The following MCCC1 variants were observed in gnomAD, a reference collection of about 807,000 sequenced individuals.
MCCC1 encodes methylcrotonoyl-CoA carboxylase subunit alpha, mitochondrial.
A neutral mutation model predicts 83.8 loss-of-function variants in MCCC1; 64 were observed. That is an observed-to-expected ratio of 0.76 (90% CI 0.62 to 0.94). The LOEUF is 0.94. MCCC1 is among the 40% of genes least tolerant of loss of function. The pLI is 0.00. For missense variants in MCCC1, 807 were observed against 904.7 expected (o/e 0.89, Z 1.39); for synonymous variants, 322 against 315.4 (o/e 1.02, Z -0.22).
At chr3:183,107,599 G>C (rs922776490) in intron 1 of MCCC1, among the ~76,000 whole-genome samples, 1 of 151,820 alleles carries the variant, frequency 6.6e-6, no homozygotes, top group Non-Finnish European at 1.5e-5. Context: ...CTGGAGTGCA[G>C]TGGTGTAATC....
chr3:183,094,859 A>G (rs528188651), intron 1 of MCCC1, among the ~76,000 whole-genome samples: 4 of 152,322 alleles, frequency 2.6e-5, no homozygotes, highest in South Asian at 2.1e-4. Flanking sequence ...CCACAGTCAG[A>G]GATGATTAAA....
chr3:183,108,840 A>G (rs955846283), intron 1 of MCCC1, among the ~76,000 whole-genome samples: 4 of 152,218 alleles, frequency 2.6e-5, no homozygotes, highest in African/African-American at 9.6e-5. Context: ...TTGGTGTTCA[A>G]TAGGTATATC....
At chr3:183,055,397 G>A (rs558845245) in intron 8 of MCCC1, among the ~76,000 whole-genome samples, 76 of 151,816 alleles carry the variant, frequency 5.0e-4, no homozygotes, top group Non-Finnish European at 9.4e-4. Context: ...GTGACAGAGC[G>A]AAACTCCATC....
At chr3:183,025,465 T>C (rs1232775869) in intron 15 of MCCC1, among the ~76,000 whole-genome samples, 1 of 152,230 alleles carries the variant, frequency 6.6e-6, no homozygotes, top group Non-Finnish European at 1.5e-5. Context: ...GCTTTTGCTG[T>C]AAATACAGGC....
intron 7 of MCCC1, among the ~76,000 whole-genome samples, chr3:183,059,356 T>C (rs1433327410): frequency 6.6e-6 from 1 of 152,240 alleles, no homozygotes; most frequent in African/African-American, 2.4e-5. Context: ...TTTCTGAATG[T>C]TCCCATTTTG....
At chr3:183,051,507 T>C (rs1577294698) in intron 9 of MCCC1, among the ~76,000 whole-genome samples, 1 of 151,478 alleles carries the variant, frequency 6.6e-6, no homozygotes, top group Admixed American at 6.6e-5. Context: ...GCTGCCGGGG[T>C]TTAGGGGGGA....
At chr3:183,096,954 G>C (rs547292291) in intron 1 of MCCC1, among the ~76,000 whole-genome samples, 1 of 152,126 alleles carries the variant, frequency 6.6e-6, no homozygotes, top group Non-Finnish European at 1.5e-5. Flanking sequence ...AGACTGATTC[G>C]GTTTCAAGGC....
intron 9 of MCCC1, among the ~76,000 whole-genome samples, chr3:183,047,754 C>T (rs1021263964): frequency 2.0e-5 from 3 of 150,276 alleles, no homozygotes; most frequent in African/African-American, 7.3e-5. Flanking sequence ...AACCTCTGAA[C>T]TTGAGGATAT....
intron 9 of MCCC1, among the ~76,000 whole-genome samples, chr3:183,051,397 A>C (rs1714964648): frequency 6.6e-6 from 1 of 152,210 alleles, no homozygotes; most frequent in Non-Finnish European, 1.5e-5. Context: ...TTAAATGCAT[A>C]TTATAAAGAA....
chr3:183,047,067 CA>C lies in MCCC1; in HGVS notation c.956-1528del, dbSNP rs556917676. 1.8e-4 allele frequency among the ~76,000 whole-genome samples: 27 copies of C among 152,314 alleles called. No homozygotes were observed. The South Asian group carries it at 5.2e-3, about 29-fold the overall frequency. ...AGTGAATATCAGAGAAAAATCCTCC[CA>C]TGCTTCCAGCTCAGAAGGGAAATGA... On this transcript the variant is annotated intron_variant, in intron 9 of 18. Coordinates refer to ENST00000265594, the MANE Select transcript of MCCC1 (RefSeq NM_020166.5).
upstream of MCCC1, among the ~76,000 whole-genome samples, chr3:183,102,773 T>G (rs112394511): frequency 1.2e-4 from 11 of 91,516 alleles, no homozygotes; most frequent in South Asian, 2.3e-3. Flanking sequence ...TTTTTTTTTT[T>G]TTTTTTTTTT....
Position 183,057,294 on chromosome 3 carries a change from C to G in MCCC1, c.873+17G>C, listed in dbSNP as rs764886151. ...ACATTACGGAGAAGCTTACAAATTT[C>G]TTTCCAAGGTCCTTACCGCTGGGGC... is the stretch of plus-strand genomic sequence containing the variant. On this transcript the variant is annotated intron_variant, in intron 8 of 18. Coordinates refer to ENST00000265594, the MANE Select transcript of MCCC1 (RefSeq NM_020166.5). 1.5e-5 allele frequency: 24 copies of G among 1,562,268 alleles called. 1 individual carries two copies. In the South Asian group the frequency reaches 2.5e-4, roughly 17 times the overall value.
At chr3:183,073,832 T>C (rs1716871099) in intron 4 of MCCC1, among the ~76,000 whole-genome samples, 1 of 152,238 alleles carries the variant, frequency 6.6e-6, no homozygotes, top group South Asian at 2.1e-4. Flanking sequence ...CATAAGTGAA[T>C]TGCCACCATC....
intron 9 of MCCC1, among the ~76,000 whole-genome samples, chr3:183,049,464 C>A (rs148260335): frequency 0.068 from 10,258 of 151,152 alleles, 539 homozygotes; most frequent in African/African-American, 0.13. Context: ...CCCAGCTACT[C>A]GGGAGGCTGA....
chr3:183,105,620 T>G (rs556721666), intron 1 of MCCC1, among the ~76,000 whole-genome samples: 3 of 152,262 alleles, frequency 2.0e-5, no homozygotes, highest in Admixed American at 2.0e-4. Flanking sequence ...TTGCATCTTT[T>G]GCGTTTCGTA....
chr3:183,062,241 T>C (rs1222546505), intron 7 of MCCC1, among the ~76,000 whole-genome samples: 1 of 152,082 alleles, frequency 6.6e-6, no homozygotes, highest in African/African-American at 2.4e-5. Context: ...ATCTTTTAGG[T>C]GCTCCAGGTA....
rs551690650 is a variant in MCCC1, at chr3:183,032,107, A to G, written c.1681+1884T>C. ...TGGATTATTTTCATAGAATACTGCC[A>G]AAAGGGTGTAGTGAACAGCAATCAT... On this transcript the variant is annotated intron_variant, in intron 14 of 18. Transcript: ENST00000265594. Among the ~76,000 whole-genome samples, 12 of 152,314 alleles carry G rather than the reference A, an allele frequency of 7.9e-5. No homozygotes were observed. The East Asian group carries it at 1.5e-3, about 20-fold the overall frequency.
At chr3:183,094,890 C>T (rs1022460528) in intron 1 of MCCC1, among the ~76,000 whole-genome samples, 6 of 152,168 alleles carry the variant, frequency 3.9e-5, no homozygotes, top group African/African-American at 1.4e-4. Context: ...ATACCAACAT[C>T]ATCTAGTTTA....
rs1716074716 is a variant in MCCC1, at chr3:183,064,289, C to T, written c.761+6710G>A. Among the ~76,000 whole-genome samples, 3 of 151,836 alleles carry T rather than the reference C, an allele frequency of 2.0e-5. No individual in the cohort carries two copies. The South Asian group carries it at 6.2e-4, about 32-fold the overall frequency. On this transcript the variant is annotated intron_variant, in intron 7 of 18. Coordinates refer to ENST00000265594, the MANE Select transcript of MCCC1 (RefSeq NM_020166.5). This position sits in a 1 kb window ranked among gnomAD's most constrained non-coding sequence, Gnocchi z 4.5. ...AAAGATCCCCCTTTTTTTTTTAATTCCAAGTGATAACTCTGTATTCCCACA... is the reference window on the plus strand; with the variant it reads ...AAAGATCCCCCTTTTTTTTTTAATTTCAAGTGATAACTCTGTATTCCCACA...
Sources: gnomAD v4.1 joint callset for allele counts (sites outside exome capture counted in the v4.1 genomes callset) on GRCh38, gnomAD v4.1.1 for gene constraint, Gnocchi (gnomAD v3.1) non-coding constraint, MANE v1.5 for transcripts, NCBI Gene and HGNC (gene_info 2026-07-23, HGNC 2026-07-21) for gene names.